Variants in SEC14L6 observed in about 807,000 individuals in gnomAD.
The protein encoded by SEC14L6 is SEC14-like protein 6.
SEC14L6 carries 40 observed loss-of-function variants against 54.1 expected under a neutral mutation model. The ratio of observed to expected loss-of-function variants is 0.74; its 90% CI spans 0.57 to 0.96. The LOEUF (loss-of-function observed/expected upper bound fraction) is 0.96, where lower values mean the gene tolerates loss of function less well. Ranked by LOEUF, SEC14L6 falls within the 40% of genes least tolerant of loss-of-function variation. SEC14L6 has a pLI of 0.00. For missense variants in SEC14L6, 471 were observed against 498.3 expected, an observed-to-expected ratio of 0.95 and a Z score of 0.52; for synonymous variants, 171 against 198.4, an observed-to-expected ratio of 0.86 and a Z score of 1.16.
intron 1 of SEC14L6, among the ~76,000 whole-genome samples, chr22:30,541,814 T>TA (rs1169009790): frequency 1.4e-4 from 21 of 152,170 alleles, no homozygotes; most frequent in African/African-American, 4.6e-4. Flanking sequence ...GCCTAGGTGA[T>TA]AGAGTGAGAC....
At chr22:30,542,911 G>A in intron 1 of SEC14L6, 1 of 1,601,282 alleles carries the variant, frequency 6.2e-7, no homozygotes, top group Non-Finnish European at 8.5e-7. Flanking sequence ...CATCACCCCA[G>A]CAGATGCCGG....
rs11383409 is a variant in SEC14L6, at chr22:30,537,021, C to CAA, written c.130+1804_130+1805dup. On this transcript the variant is annotated intron_variant, in intron 2 of 11. Coordinates refer to ENST00000402034, the MANE Select transcript of SEC14L6 (RefSeq NM_001193336.4). ...CCTGGGTGACAGTGAGACTCTGACT[C>CAA]AAAAAAAAAAAAAAAAAAAAGGAAA... 9.2e-3 allele frequency among the ~76,000 whole-genome samples: 712 copies of CAA among 77,718 alleles called. 20 individuals are homozygous for CAA. Among genetic ancestry groups the CAA allele is most frequent in the African/African-American group, 0.01 (187 of 18,134 alleles). 51.0% of individuals were successfully genotyped at this position (77,718 alleles called of 152,430 possible). A position where few individuals can be genotyped will look rare whatever the true frequency, so the allele number is the denominator to read the frequency against.
At chr22:30,530,110 T>TA (rs538100010) in intron 6 of SEC14L6, among the ~76,000 whole-genome samples, 60 of 152,054 alleles carry the variant, frequency 3.9e-4, no homozygotes, top group Admixed American at 3.3e-4. Flanking sequence ...TGGTTTTTTT[T>TA]AAAAAAACTG....
At chr22:30,543,205 G>C in intron 1 of SEC14L6, 2 of 1,604,032 alleles carry the variant, frequency 1.2e-6, no homozygotes, top group Non-Finnish European at 1.7e-6. Flanking sequence ...CCACAGCACA[G>C]CCAATGTGGT....
Position 30,525,509 on chromosome 22 carries a change from C to T in SEC14L6, c.922G>A (p.Ala308Thr), listed in dbSNP as rs770029698. ...AAGCCAATGTCCCCACCATCTGAAG[C>T]AAACTGCCACCTGCAGTGGATAGAG... ...FPGCVLRWQF[A>T]SDGGDIGFGV... The change falls in exon 11 of 12, where the codon GCT (alanine) becomes ACT (threonine). Residue 308 changes from alanine (A) to threonine (T), a missense_variant. By Grantham distance (58) the Ala-to-Thr change is moderately conservative (BLOSUM62 0). Coordinates refer to ENST00000402034, the MANE Select transcript of SEC14L6 (RefSeq NM_001193336.4). 1.9e-6 allele frequency: 3 copies of T among 1,614,106 alleles called. No homozygotes were observed. In the Admixed American group the frequency reaches 5.0e-5, roughly 27 times the overall value.
At chr22:30,528,719 C>A (rs1325781251) in intron 8 of SEC14L6, among the ~76,000 whole-genome samples, 4 of 152,034 alleles carry the variant, frequency 2.6e-5, no homozygotes, top group Non-Finnish European at 5.9e-5. Flanking sequence ...CCACTGTGTG[C>A]CGCCAAAGAT....
At position 30,525,378 on chromosome 22, in the gene SEC14L6, C is replaced by A. The variant is rs565053575; in HGVS notation, c.1053G>T (p.Gly351=). The change falls in exon 11 of 12, where the codon GGG becomes GGT. Residue 351 remains glycine, a synonymous_variant. Transcript: ENST00000402034. ...RYNAHMVPED[G]ILTCLQAGSY... ...TGCCGGCCTGGAGGCAGGTGAGAAT[C>A]CCATCTTCAGGCACCATGTGGGCAT... The A allele has an allele frequency of 1.2e-6, 2 of 1,614,170 alleles. No homozygotes were observed. Among genetic ancestry groups the A allele is most frequent in the South Asian group, 2.2e-5 (2 of 91,078 alleles).
At chr22:30,531,552 C>T (rs1340145425) in intron 6 of SEC14L6, among the ~76,000 whole-genome samples, 2 of 152,124 alleles carry the variant, frequency 1.3e-5, no homozygotes, top group East Asian at 3.9e-4. Context: ...TGGAGAAACC[C>T]CATCTCTACT....
chr22:30,530,171 G>A (rs1263476386), intron 6 of SEC14L6, among the ~76,000 whole-genome samples: 1 of 151,944 alleles, frequency 6.6e-6, no homozygotes, highest in Non-Finnish European at 1.5e-5. Flanking sequence ...AAGCACTTTG[G>A]GAGGCCAAAG....
At chr22:30,528,138 T>C (rs998419059) in intron 8 of SEC14L6, among the ~76,000 whole-genome samples, 2 of 149,712 alleles carry the variant, frequency 1.3e-5, no homozygotes, top group Non-Finnish European at 3.0e-5. Context: ...TTTTTTTTTT[T>C]TTGAGACAAA....
chr22:30,543,954 T>G (rs1169751601), intron 1 of SEC14L6: 3 of 1,605,948 alleles, frequency 1.9e-6, no homozygotes, highest in East Asian at 2.2e-5. Flanking sequence ...GCCTGCAGCC[T>G]GCGTCGGAGG....
chr22:30,536,256 G>A (rs1189388447), intron 2 of SEC14L6, among the ~76,000 whole-genome samples: 3 of 152,138 alleles, frequency 2.0e-5, no homozygotes, highest in African/African-American at 7.2e-5. Context: ...AGTATTCTGG[G>A]CTCAACATTC....
chr22:30,525,235 C>T (rs1936725200), intron 11 of SEC14L6, 115 bp downstream of exon 11: 1 of 1,385,548 alleles, frequency 7.2e-7, no homozygotes, highest in East Asian at 2.5e-5. Context: ...CAGAGCCAGC[C>T]TCACACTGTG....
At position 30,524,327 on chromosome 22, in the gene SEC14L6, A is replaced by G. The variant is rs1400518899; in HGVS notation, c.*670T>C. 1 of 152,076 alleles carries G rather than the reference A, an allele frequency of 6.6e-6. No individual in the cohort carries two copies. The highest frequency in any genetic ancestry group is 2.4e-5 in the African/African-American group (1 of 41,408). The allele number at this position is 152,076 out of a possible 1,614,324, so 9.4% of individuals were successfully genotyped here. On this transcript the variant is annotated 3_prime_UTR_variant, in exon 12 of 12. Transcript: ENST00000402034. ...ATAAACTATCTTTTCAATGGTAATT[A>G]TTTCCTGATCTGTCAGCTATACTAT...
At chr22:30,525,318 C>A (rs756951498) in intron 11 of SEC14L6, 32 bp downstream of exon 11, 14 of 1,608,504 alleles carry the variant, frequency 8.7e-6, no homozygotes, top group Non-Finnish European at 8.5e-6. Context: ...TAGCCCCCAG[C>A]TCCAGGTAGA....
At chr22:30,543,366 G>A in intron 1 of SEC14L6, 1 of 1,576,620 alleles carries the variant, frequency 6.3e-7, no homozygotes, top group African/African-American at 1.3e-5. Context: ...TGAGGGCAGA[G>A]AACCAGGTGA....
rs1293449884 is a variant in SEC14L6, at chr22:30,529,137, A to G, written c.614T>C (p.Val205Ala). The stretch of plus-strand genomic sequence containing the variant: ...TGTCTCTTCACTCATGTAAGACTTG[A>G]CCAGGTTGAAGGCTACGGCGAATAG... ...PKLFAVAFNL[V>A]KSYMSEETRR... The change falls in exon 8 of 12, where the codon GTC (valine) becomes GCC (alanine). Residue 205 changes from valine to alanine, a missense_variant. Physicochemically the swap from Val to Ala is moderately conservative, Grantham distance 64 (BLOSUM62 0). Coordinates refer to ENST00000402034, the MANE Select transcript of SEC14L6 (RefSeq NM_001193336.4). The G allele has an allele frequency of 1.3e-6, 2 of 1,551,048 alleles. No homozygotes were observed. Among genetic ancestry groups the G allele is most frequent in the East Asian group, 4.9e-5 (2 of 40,934 alleles).
chr22:30,533,373 G>T (rs894627510), intron 3 of SEC14L6, among the ~76,000 whole-genome samples: 2 of 152,130 alleles, frequency 1.3e-5, no homozygotes, highest in Non-Finnish European at 2.9e-5. Context: ...GGCCAAGGTG[G>T]GTGGATCACC....
Position 30,524,765 on chromosome 22 carries a change from A to C in SEC14L6, c.*232T>G, listed in dbSNP as rs1936709046. ...TTTTTGCTGAGCTTGAGGTCACAGC[A>C]GGTCATAGTGGGGATGGAGTGTCTG... On this transcript the variant is annotated 3_prime_UTR_variant, in exon 12 of 12. Coordinates refer to ENST00000402034, the MANE Select transcript of SEC14L6 (RefSeq NM_001193336.4). The C allele has an allele frequency of 2.1e-6, 1 of 470,108 alleles. No homozygotes were observed. 29.1% of individuals were successfully genotyped at this position (470,108 alleles called of 1,614,324 possible). A position where few individuals can be genotyped will look rare whatever the true frequency, so the allele number is the denominator to read the frequency against.
Sources: gnomAD v4.1 joint callset for allele counts (sites outside exome capture counted in the v4.1 genomes callset) on GRCh38, gnomAD v4.1.1 for gene constraint, MANE v1.5 for transcripts, NCBI Gene and HGNC (gene_info 2026-07-23, HGNC 2026-07-21) for gene names.